CD2: variants seen among roughly 807,000 people sequenced by gnomAD.
The protein encoded by CD2 is CD2 molecule, also known as T-cell surface antigen CD2.
Under a neutral mutation model 23.2 loss-of-function variants are expected in CD2, and 18 were observed. That is an observed-to-expected ratio of 0.77 (90% confidence interval 0.54 to 1.15). CD2 has a LOEUF of 1.15. CD2 is among the 50% of genes most tolerant of loss of function. CD2 has a pLI of 0.00. For missense variants in CD2, 424 were observed against 423.1 expected (o/e 1.00, Z -0.02); for synonymous variants, 162 against 151.9 (o/e 1.07, Z -0.49).
chr1:116,762,187 G>T (rs149987626), intron 3 of CD2, among the ~76,000 whole-genome samples: 1 of 152,142 alleles, frequency 6.6e-6, no homozygotes, highest in South Asian at 2.1e-4. Context: ...GCATAAGTAC[G>T]TTTCAGATAT....
At position 116,764,409 on chromosome 1, in the gene CD2, G is replaced by A. The variant is rs559079766; in HGVS notation, c.614-75G>A. ...CTCTTCTATCTGCTTGATGCAGGAG[G>A]CAGCATCCTTGGCCAGAGTAATGGG... On this transcript the variant is annotated intron_variant, in intron 3 of 4. Coordinates refer to ENST00000369478, the MANE Select transcript of CD2 (RefSeq NM_001767.5). 41 of 1,563,260 alleles carry A rather than the reference G, an allele frequency of 2.6e-5. No individual in the cohort carries two copies. The African/African-American group carries it at 5.1e-4, about 19-fold the overall frequency.
intron 2 of CD2, 110 bp from the exon 3 acceptor site, chr1:116,760,292 G>C (rs1652002396): frequency 1.3e-6 from 1 of 755,542 alleles, no homozygotes; most frequent in South Asian, 1.9e-5. Flanking sequence ...AGAGGTCTTT[G>C]ACATTGTTCC....
rs374603693 is a variant in CD2, at chr1:116,768,763, T to C, written c.1036T>C (p.Leu346=). 6.8e-6 allele frequency: 11 copies of C among 1,612,338 alleles called. No homozygotes were observed. Among genetic ancestry groups the C allele is most frequent in the Non-Finnish European group, 9.3e-6 (11 of 1,179,408 alleles). ...KPPHGAAENS[L]SPSSN The stretch of plus-strand genomic sequence containing the variant: ...TCCCCATGGGGCAGCAGAAAACTCA[T>C]TGTCCCCTTCCTCTAATTAAAAAAG... The change falls in exon 5 of 5, where the codon TTG becomes CTG. Residue 346 remains leucine (L), a synonymous_variant. Coordinates refer to ENST00000369478, the MANE Select transcript of CD2 (RefSeq NM_001767.5).
intron 3 of CD2, 154 bp from the exon 4 acceptor site, chr1:116,764,330 C>T (rs1006619424): frequency 2.5e-5 from 20 of 785,682 alleles, no homozygotes; most frequent in Admixed American, 6.3e-5. Flanking sequence ...AGGGTTGACA[C>T]CACTCACCAC....
At chr1:116,760,997 A>G (rs913533013) in intron 3 of CD2, among the ~76,000 whole-genome samples, 14 of 152,202 alleles carry the variant, frequency 9.2e-5, no homozygotes, top group African/African-American at 3.1e-4. Context: ...AGTTAGTGAC[A>G]TGATTCCAAC....
rs113115735 is a variant in CD2 at position 116,760,617 on chromosome 1, C to G, written c.598C>G (p.Pro200Ala). ...AGTCAGCAAGGAATCCAGTGTCGAG[C>G]CTGTCAGCTGTCCAGGTGCGTGGCG... ...NKVSKESSVE[P>A]VSCPEKGLDI... Residue 200 changes from proline (P) to alanine (A), a missense_variant, in exon 3 of 5, where the codon CCT becomes GCT. Pro to Ala is a conservative substitution (Grantham distance 27). Coordinates refer to ENST00000369478, the MANE Select transcript of CD2 (RefSeq NM_001767.5). 1 of 1,614,136 alleles carries G rather than the reference C, an allele frequency of 6.2e-7. No homozygotes were observed. The highest frequency in any genetic ancestry group is 1.1e-5 in the South Asian group (1 of 91,076).
At position 116,768,578 on chromosome 1, in the gene CD2, C is replaced by A; in HGVS notation, c.851C>A (p.Pro284Gln). 6.2e-7 allele frequency: 1 copy of A among 1,614,112 alleles called. No homozygotes were observed. Residue 284 changes from proline to glutamine, a missense_variant, in exon 5 of 5, where the codon CCA (proline) becomes CAA (glutamine). Transcript: ENST00000369478. The part of the protein sequence containing the change: ...QNPATSQHPP[P>Q]PPGHRSQAPS... Reference sequence around the variant, plus strand: ...CCAGCAACTTCCCAACATCCTCCTCCACCACCTGGTCATCGTTCCCAGGCA... The same window carrying A: ...CCAGCAACTTCCCAACATCCTCCTCAACCACCTGGTCATCGTTCCCAGGCA...
In CD2 at chr1:116,755,295, G is replaced by A. The variant is rs575540904; in HGVS notation, c.382+344G>A. ...TGTTCCAGGTTGCTGATGAATCGGC[G>A]AGCTAAGAGTGGGGCGAGAAGAAGA... On this transcript the variant is annotated intron_variant, in intron 2 of 4. Coordinates refer to ENST00000369478, the MANE Select transcript of CD2 (RefSeq NM_001767.5). Among the ~76,000 whole-genome samples the A allele has an allele frequency of 7.9e-5, 12 of 152,306 alleles. No individual in the cohort carries two copies. The South Asian group carries it at 1.7e-3, about 21-fold the overall frequency.
rs958437729 is a variant in CD2 at position 116,757,240 on chromosome 1, G to A, written c.382+2289G>A. Among the ~76,000 whole-genome samples the A allele has an allele frequency of 3.3e-5, 5 of 152,122 alleles. No individual in the cohort carries two copies. The South Asian group carries it at 6.3e-4, about 19-fold the overall frequency. The stretch of plus-strand genomic sequence containing the variant: ...TCAAACTCCTGACCTCAGGGGATCC[G>A]CCTGCATCGGCCTCCCAAAGTGCTG... On this transcript the variant is annotated intron_variant, in intron 2 of 4. Transcript: ENST00000369478.
chr1:116,768,582 ACCTGGTCATCGTT>A lies in CD2; in HGVS notation c.858_870del (p.Gly287ArgfsTer71). ...CAACTTCCCAACATCCTCCTCCACCACCTGGTCATCGTTCCCAGGCACCTAGTCATCGTCCCCC... is the reference window on the plus strand; with the variant it reads ...CAACTTCCCAACATCCTCCTCCACCACCCAGGCACCTAGTCATCGTCCCCC... On this transcript the variant is annotated frameshift_variant, in exon 5 of 5. Coordinates refer to ENST00000369478, the MANE Select transcript of CD2 (RefSeq NM_001767.5). LOFTEE classifies it low-confidence loss of function (END_TRUNC). 6.2e-7 allele frequency: 1 copy of A among 1,613,716 alleles called. No homozygotes were observed. Among genetic ancestry groups the A allele is most frequent in the Non-Finnish European group, 8.5e-7 (1 of 1,179,948 alleles).
chr1:116,762,877 C>T (rs975928685), intron 3 of CD2, among the ~76,000 whole-genome samples: 3 of 152,230 alleles, frequency 2.0e-5, no homozygotes, highest in Non-Finnish European at 2.9e-5. Context: ...TAAGGCATTG[C>T]CTACATTCCT....
chr1:116,768,783 A>T lies in CD2; in HGVS notation c.1056A>T (p.Ter352TyrextTer3), dbSNP rs867192648. Residue 352 changes from the stop codon to tyrosine (Y), a stop_lost, in exon 5 of 5, where the codon TAA becomes TAT. Coordinates refer to ENST00000369478, the MANE Select transcript of CD2 (RefSeq NM_001767.5). ...ACTCATTGTCCCCTTCCTCTAATTA[A>T]AAAAGATAGAAACTGTCTTTTTCAA... ...AENSLSPSSN* is the reference protein window; with the variant it reads ...AENSLSPSSNY The T allele has an allele frequency of 6.2e-7, 1 of 1,605,584 alleles. No homozygotes were observed. The highest frequency in any genetic ancestry group is 2.2e-5 in the East Asian group (1 of 44,794).
chr1:116,755,059 G>GC (rs747377785), intron 2 of CD2, 108 bp downstream of exon 2: 6 of 745,274 alleles, frequency 8.1e-6, no homozygotes, highest in Non-Finnish European at 1.3e-5. Context: ...CTCCAGGGGG[G>GC]CTATACAGGA....
chr1:116,760,358 C>A, intron 2 of CD2, 44 bp from the exon 3 acceptor site: 1 of 1,515,704 alleles, frequency 6.6e-7, no homozygotes, highest in South Asian at 1.2e-5. Flanking sequence ...TTATTAAAAT[C>A]AGAAAATTGC....
intron 2 of CD2, among the ~76,000 whole-genome samples, chr1:116,759,857 C>T (rs1156407059): frequency 6.6e-6 from 1 of 152,202 alleles, no homozygotes; most frequent in African/African-American, 2.4e-5. Context: ...TGGCCCACTG[C>T]TCCAGGAACT....
chr1:116,758,004 A>G (rs532813116), intron 2 of CD2, among the ~76,000 whole-genome samples: 1 of 151,836 alleles, frequency 6.6e-6, no homozygotes, highest in Admixed American at 6.6e-5. Flanking sequence ...CCTGGCCTCA[A>G]GAGATCCGCC....
At chr1:116,768,335 G>A (rs1361198369) in intron 4 of CD2, 129 bp from the exon 5 acceptor site, 8 of 795,000 alleles carry the variant, frequency 1.0e-5, no homozygotes, top group African/African-American at 7.0e-5. Flanking sequence ...CAGATAGTAG[G>A]GGCAACTTCT....
At chr1:116,765,553 A>G (rs1415055280) in intron 4 of CD2, among the ~76,000 whole-genome samples, 1 of 152,086 alleles carries the variant, frequency 6.6e-6, no homozygotes, top group Non-Finnish European at 1.5e-5. Flanking sequence ...CCCACGTCCC[A>G]TCACGTCACT....
chr1:116,760,787 A>T (rs1571240643), intron 3 of CD2, among the ~76,000 whole-genome samples, 155 bp downstream of exon 3: 1 of 152,232 alleles, frequency 6.6e-6, no homozygotes, highest in East Asian at 1.9e-4. Flanking sequence ...CCTTCAAGGG[A>T]AGCATCAGGG....
Sources: gnomAD v4.1 joint callset for allele counts (sites outside exome capture counted in the v4.1 genomes callset) on GRCh38, gnomAD v4.1.1 for gene constraint, MANE v1.5 for transcripts, NCBI Gene and HGNC (gene_info 2026-07-23, HGNC 2026-07-21) for gene names.